MIPOL1: variants seen among roughly 807,000 people sequenced by gnomAD.
MIPOL1 encodes mirror-image polydactyly gene 1 protein.
Under a neutral mutation model 60.9 loss-of-function variants are expected in MIPOL1, and 57 were observed. The ratio of observed to expected loss-of-function variants is 0.94; its 90% CI spans 0.76 to 1.17. The LOEUF (loss-of-function observed/expected upper bound fraction) is 1.17. MIPOL1 is among the 50% of genes most tolerant of loss of function. MIPOL1 has a pLI of 0.00. For missense variants in MIPOL1, 551 were observed against 511.6 expected (o/e 1.08, Z -0.74); for synonymous variants, 179 against 168.8 (o/e 1.06, Z -0.47).
intron 6 of MIPOL1, among the ~76,000 whole-genome samples, chr14:37,282,778 G>GTTATGA (rs1432272418): frequency 6.9e-6 from 1 of 144,708 alleles, no homozygotes; most frequent in Non-Finnish European, 1.5e-5. Flanking sequence ...AAAGAAGGTA[G>GTTATGA]TTATGATTTA....
At chr14:37,317,267 G>A (rs576650295) in intron 9 of MIPOL1, among the ~76,000 whole-genome samples, 1 of 152,304 alleles carries the variant, frequency 6.6e-6, no homozygotes, top group East Asian at 1.9e-4. Flanking sequence ...GATTTAAAAT[G>A]TGGAGACAGT....
At position 37,207,090 on chromosome 14, in the gene MIPOL1, G is replaced by A. The variant is rs554972812; in HGVS notation, c.-199+8986G>A. Among the ~76,000 whole-genome samples, 4 of 152,242 alleles carry A rather than the reference G, an allele frequency of 2.6e-5. No homozygotes were observed. In the South Asian group the frequency reaches 8.3e-4, roughly 32 times the overall value. The stretch of plus-strand genomic sequence containing the variant: ...ACATGAGATTTGGGAGGAACCAGGG[G>A]CGGAATGATATGGTTTGGCTGTATT... On this transcript the variant is annotated intron_variant, in intron 1 of 12. Coordinates refer to ENST00000684589, the MANE Select transcript of MIPOL1 (RefSeq NM_001388067.1).
At chr14:37,379,602 T>A (rs2092872061) in intron 10 of MIPOL1, among the ~76,000 whole-genome samples, 1 of 152,104 alleles carries the variant, frequency 6.6e-6, no homozygotes, top group Non-Finnish European at 1.5e-5. Context: ...ATAAATCTTA[T>A]AACTCAGCAA....
rs1594699643 is a variant in MIPOL1, at chr14:37,244,011, T to C, written c.-198-3092T>C. 5.3e-5 allele frequency among the ~76,000 whole-genome samples: 8 copies of C among 151,834 alleles called. No homozygotes were observed. The South Asian group carries it at 1.3e-3, about 24-fold the overall frequency. ...TGCATGTAGGAAACTTTATCAGATA[T>C]ATTGAGATTCCTATGTACCTAGAGA... On this transcript the variant is annotated intron_variant, in intron 1 of 12. Transcript: ENST00000684589.
At chr14:37,475,389 C>T (rs1566671635) in intron 11 of MIPOL1, among the ~76,000 whole-genome samples, 1 of 152,152 alleles carries the variant, frequency 6.6e-6, no homozygotes, top group Non-Finnish European at 1.5e-5. Flanking sequence ...ATTCTCTTAA[C>T]AGTGCCTTTT....
chr14:37,378,444 A>G (rs566810872), intron 10 of MIPOL1, among the ~76,000 whole-genome samples: 15 of 152,120 alleles, frequency 9.9e-5, no homozygotes, highest in Non-Finnish European at 1.9e-4. Context: ...CCATTTTTAT[A>G]TAAGTCCCAA....
chr14:37,241,576 G>T (rs1342381045), intron 1 of MIPOL1, among the ~76,000 whole-genome samples: 4 of 150,132 alleles, frequency 2.7e-5, no homozygotes, highest in Admixed American at 2.7e-4. Flanking sequence ...CAGGGTGTGG[G>T]GGTGAGGGGG....
intron 12 of MIPOL1, among the ~76,000 whole-genome samples, chr14:37,511,123 G>A (rs538101934): frequency 1.2e-4 from 19 of 152,164 alleles, no homozygotes; most frequent in African/African-American, 4.6e-4. Context: ...TTCAGCCTAT[G>A]GGAGTATTCC....
At chr14:37,501,962 G>T (rs1240438074) in intron 12 of MIPOL1, 2 of 152,244 alleles carry the variant, frequency 1.3e-5, no homozygotes, top group Non-Finnish European at 2.9e-5. Flanking sequence ...GCCTGGCTTG[G>T]TGGGTCCCAC....
At chr14:37,360,162 G>T (rs1415346082) in intron 9 of MIPOL1, among the ~76,000 whole-genome samples, 1 of 152,060 alleles carries the variant, frequency 6.6e-6, no homozygotes, top group African/African-American at 2.4e-5. Flanking sequence ...GCATCCCGGG[G>T]ATGAAGCCGA....
chr14:37,440,720 G>A (rs903214633), intron 11 of MIPOL1, among the ~76,000 whole-genome samples: 12 of 152,290 alleles, frequency 7.9e-5, no homozygotes, highest in Middle Eastern at 3.4e-3. Flanking sequence ...ATTGTGGATT[G>A]TGCTGTGATA....
At chr14:37,398,741 G>A (rs2093425766) in intron 10 of MIPOL1, among the ~76,000 whole-genome samples, 1 of 152,168 alleles carries the variant, frequency 6.6e-6, no homozygotes. Context: ...AAGGTGTGCA[G>A]GACATTGAAC....
At chr14:37,498,199 A>G (rs1373643210) in intron 11 of MIPOL1, among the ~76,000 whole-genome samples, 2 of 152,270 alleles carry the variant, frequency 1.3e-5, no homozygotes, top group South Asian at 4.1e-4. Context: ...GGGAGGGGAA[A>G]AAATGGGAGG....
intron 9 of MIPOL1, among the ~76,000 whole-genome samples, chr14:37,313,435 T>C (rs937828851): frequency 6.6e-6 from 1 of 152,152 alleles, no homozygotes; most frequent in African/African-American, 2.4e-5. Flanking sequence ...TTGGGTCTTA[T>C]TGGTATTTGT....
At chr14:37,365,240 C>T (rs960883731) in intron 9 of MIPOL1, among the ~76,000 whole-genome samples, 1 of 152,130 alleles carries the variant, frequency 6.6e-6, no homozygotes, top group Non-Finnish European at 1.5e-5. Flanking sequence ...ACTTCCAGTA[C>T]TATGTTGAAT....
At chr14:37,395,493 T>G (rs1360068785) in intron 10 of MIPOL1, among the ~76,000 whole-genome samples, 1 of 152,032 alleles carries the variant, frequency 6.6e-6, no homozygotes, top group Non-Finnish European at 1.5e-5. Flanking sequence ...TCCTAAATAT[T>G]TTATTTATTT....
intron 11 of MIPOL1, among the ~76,000 whole-genome samples, chr14:37,427,150 G>A (rs2093981298): frequency 6.6e-6 from 1 of 152,110 alleles, no homozygotes; most frequent in African/African-American, 2.4e-5. Context: ...ACCAAAAGGT[G>A]GAAACCACCC....
chr14:37,367,495 A>G (rs1053102561), intron 9 of MIPOL1, among the ~76,000 whole-genome samples: 4 of 152,042 alleles, frequency 2.6e-5, no homozygotes. Context: ...TGGAATGAAA[A>G]TAATAGGTGG....
chr14:37,262,975 T>G (rs1159617364), intron 3 of MIPOL1, among the ~76,000 whole-genome samples: 1 of 152,214 alleles, frequency 6.6e-6, no homozygotes, highest in Non-Finnish European at 1.5e-5. Context: ...TTCTAGCCAC[T>G]GCCTTACTTC....
Sources: allele counts gnomAD v4.1 joint callset (sites outside exome capture counted in the v4.1 genomes callset), GRCh38; gene constraint gnomAD v4.1.1; transcripts MANE v1.5; gene names NCBI Gene and HGNC (gene_info 2026-07-23, HGNC 2026-07-21).